The following CLUH variants were observed in gnomAD, a reference collection of about 807,000 sequenced individuals.
CLUH encodes the protein clustered mitochondria protein homolog.
Under a neutral mutation model 139.3 loss-of-function variants are expected in CLUH, and 77 were observed. That is an observed-to-expected ratio of 0.55 (90% CI 0.46 to 0.67). CLUH has a LOEUF of 0.67. Ranked by LOEUF, CLUH falls within the 30% of genes least tolerant of loss-of-function variation. The pLI is 0.00. For missense variants in CLUH, 1,876 were observed against 1,875.8 expected (o/e 1.00, Z 0.00); for synonymous variants, 999 against 801.6 (o/e 1.25, Z -4.16).
At position 2,689,618 on chromosome 17, in the gene CLUH, T is replaced by TCTGA. The variant is rs1476759506; in HGVS notation, c.*972_*975dup. The TCTGA allele has an allele frequency of 6.5e-6, 1 of 153,178 alleles. No individual in the cohort carries two copies. Among genetic ancestry groups the TCTGA allele is most frequent in the African/African-American group, 2.4e-5 (1 of 41,436 alleles). The allele number at this position is 153,178 out of a possible 1,614,324, so 9.5% of individuals were successfully genotyped here. A position where few individuals can be genotyped will look rare whatever the true frequency, so the allele number is the denominator to read the frequency against. On this transcript the variant is annotated 3_prime_UTR_variant, in exon 26 of 26. Coordinates refer to ENST00000651024, the MANE Select transcript of CLUH (RefSeq NM_001366661.1). ...TGGCCACATCCTCCCCCACCAGGGC[T>TCTGA]CTGACAGCAGGCACAGAGCAGCAGC...
At chr17:2,698,812 G>A (rs1428543537) in intron 9 of CLUH, among the ~76,000 whole-genome samples, 1 of 152,194 alleles carries the variant, frequency 6.6e-6, no homozygotes. Flanking sequence ...GAGGGGCCGA[G>A]GCGGTCAGAC....
At position 2,692,669 on chromosome 17, in the gene CLUH, T is replaced by C; in HGVS notation, c.3340A>G (p.Ser1114Gly). 1 of 1,612,330 alleles carries C rather than the reference T, an allele frequency of 6.2e-7. No individual in the cohort carries two copies. Among genetic ancestry groups the C allele is most frequent in the East Asian group, 2.2e-5 (1 of 44,832 alleles). ...YMHLALYCFASSQLSTALSLL... is the reference protein window; with the variant it reads ...YMHLALYCFAGSQLSTALSLL... ...CTCAGGGCGGTGGACAGCTGGCTGC[T>C]GGCGAAGCAGTACAGGGCCAGGTGC... The change falls in exon 21 of 26, where the codon AGC becomes GGC. Residue 1114 changes from serine (S) to glycine (G), a missense_variant. Transcript: ENST00000651024.
Position 2,691,603 on chromosome 17 carries a change from C to A in CLUH, c.3863+6G>T, listed in dbSNP as rs1207786440. The A allele has an allele frequency of 3.1e-6, 5 of 1,611,510 alleles. No homozygotes were observed. Among genetic ancestry groups the A allele is most frequent in the Non-Finnish European group, 4.2e-6 (5 of 1,179,004 alleles). On this transcript the variant is annotated splice_donor_region_variant and intron_variant, in intron 25 of 25. Coordinates refer to ENST00000651024, the MANE Select transcript of CLUH (RefSeq NM_001366661.1). ...GGGAGACACTCGAGTGGGGCGGAGG[C>A]CTCACCTGAGAGGAATGAAGAGGAT...
Position 2,700,399 on chromosome 17 carries a change from C to T in CLUH, c.1249G>A (p.Glu417Lys). Residue 417 changes from glutamate to lysine, a missense_variant, in exon 9 of 26, where the codon GAA (glutamate) becomes AAA (lysine). Glu to Lys is a moderately conservative substitution (Grantham distance 56). Coordinates refer to ENST00000651024, the MANE Select transcript of CLUH (RefSeq NM_001366661.1). ...GCAGGCACCTTGAATATGGCCCTTT[C>T]TCGGAGCAGCCGCTCAGGCAGGTTC... Reference protein sequence around the residue: ...RKNLPERLLRERAIFKVHSDF... With the variant: ...RKNLPERLLRKRAIFKVHSDF... The T allele has an allele frequency of 6.2e-7, 1 of 1,613,080 alleles. No individual in the cohort carries two copies. The highest frequency in any genetic ancestry group is 8.5e-7 in the Non-Finnish European group (1 of 1,179,726).
Position 2,692,026 on chromosome 17 carries a change from C to G in CLUH, c.3632G>C (p.Gly1211Ala). The G allele has an allele frequency of 1.3e-6, 2 of 1,585,104 alleles. No individual in the cohort carries two copies. Among genetic ancestry groups the G allele is most frequent in the Non-Finnish European group, 1.7e-6 (2 of 1,165,436 alleles). Residue 1211 changes from glycine (G) to alanine (A), a missense_variant, in exon 23 of 26, where the codon GGT becomes GCT. By Grantham distance (60) the Gly-to-Ala change is moderately conservative (BLOSUM62 0). Transcript: ENST00000651024. ...FRSALQHEKE[G>A]YTIYKTQLGE... Reference sequence around the variant, plus strand: ...CACCTGCGTCTTGTAGATGGTGTAACCCTCCTTCTCGTGCTGCAGGGCCGA... The same window carrying G: ...CACCTGCGTCTTGTAGATGGTGTAAGCCTCCTTCTCGTGCTGCAGGGCCGA...
In CLUH at chr17:2,695,543, C is replaced by T; in HGVS notation, c.2392-17G>A. 3.8e-6 allele frequency: 6 copies of T among 1,577,298 alleles called. No homozygotes were observed. Among genetic ancestry groups the T allele is most frequent in the Non-Finnish European group, 5.1e-6 (6 of 1,167,842 alleles). ...GTCCTTCACCTGCGGGCTGCAGCAG[C>T]TCAGGCCCCCACCCAGCTCCTCTGC... On this transcript the variant is annotated splice_polypyrimidine_tract_variant and intron_variant, in intron 13 of 25. Coordinates refer to ENST00000651024, the MANE Select transcript of CLUH (RefSeq NM_001366661.1).
At position 2,711,696 on chromosome 17, in the gene CLUH, C is replaced by T. The variant is rs960302842; in HGVS notation, c.-35G>A. On this transcript the variant is annotated 5_prime_UTR_variant, in exon 1 of 26. Coordinates refer to ENST00000651024, the MANE Select transcript of CLUH (RefSeq NM_001366661.1). ...AGCGGGCGTCCGCCTCGGCTGTCCGCGCCGCCCGCCGCGCCACTAACCCAA... is the reference window on the plus strand; with the variant it reads ...AGCGGGCGTCCGCCTCGGCTGTCCGTGCCGCCCGCCGCGCCACTAACCCAA... 6 of 901,868 alleles carry T rather than the reference C, an allele frequency of 6.7e-6. No individual in the cohort carries two copies. The highest frequency in any genetic ancestry group is 8.0e-6 in the Non-Finnish European group (6 of 753,906). The allele number at this position is 901,868 out of a possible 1,614,324, so 55.9% of individuals were successfully genotyped here.
rs2069964621 is a variant in CLUH at position 2,696,809 on chromosome 17, C to T, written c.2095G>A (p.Glu699Lys). The T allele has an allele frequency of 1.9e-6, 3 of 1,613,396 alleles. No homozygotes were observed. Among genetic ancestry groups the T allele is most frequent in the Non-Finnish European group, 2.5e-6 (3 of 1,179,898 alleles). Residue 699 changes from glutamate to lysine, a missense_variant, in exon 11 of 26, where the codon GAG (glutamate) becomes AAG (lysine). Glu to Lys is a moderately conservative substitution (Grantham distance 56, BLOSUM62 1). Around this residue, in one of 3 missense-constraint regions of CLUH, gnomAD observed 1,454 missense variants for 1,384.4 expected, o/e 1.05. Transcript: ENST00000651024. ...CTACCCTCCTCCTCACTTCCCGCCT[C>T]CTGTCCTGGAGGATCCTCAGACTTG... The part of the protein sequence containing the change: ...ESKSEDPPGQ[E>K]AGSEEEGSSA...
In CLUH at chr17:2,698,456, G is replaced by A. The variant is rs979556087; in HGVS notation, c.1401C>T (p.Gly467=). Residue 467 remains glycine, a synonymous_variant, in exon 10 of 26, where the codon GGC becomes GGT. Coordinates refer to ENST00000651024, the MANE Select transcript of CLUH (RefSeq NM_001366661.1). ...CCTTGTAGTGGTCTCGGACGTCGAA[G>A]CCCAGGCTGAAGAAGATGTTGTTCC... is the stretch of plus-strand genomic sequence containing the variant. The part of the protein sequence containing the change: ...FIWNNIFFSL[G]FDVRDHYKDF... 1.2e-6 allele frequency: 2 copies of A among 1,613,362 alleles called. No homozygotes were observed. Among genetic ancestry groups the A allele is most frequent in the Non-Finnish European group, 8.5e-7 (1 of 1,179,848 alleles).
At chr17:2,702,588 G>T (rs886793129) in intron 3 of CLUH, among the ~76,000 whole-genome samples, 7 of 150,604 alleles carry the variant, frequency 4.6e-5, no homozygotes, top group African/African-American at 1.7e-4. Flanking sequence ...GACCTTTTCC[G>T]TCACTGCTCT....
chr17:2,701,548 C>A, intron 5 of CLUH, 28 bp from the exon 6 acceptor site: 1 of 1,613,280 alleles, frequency 6.2e-7, no homozygotes, highest in Non-Finnish European at 8.5e-7. Flanking sequence ...TCTGAGGGGC[C>A]AGGCCTCTGG....
Position 2,703,578 on chromosome 17 carries a change from G to A in CLUH, c.304-89C>T, listed in dbSNP as rs953799674. On this transcript the variant is annotated intron_variant, in intron 2 of 25. Transcript: ENST00000651024. The surrounding 1 kb of genome is among the most constrained non-coding windows in gnomAD (Gnocchi z 4.2). Reference sequence around the variant, plus strand: ...CCGCCCCGGTGAGAGGCCACGTAGCGGACAGCAAGGACAATATCCCCTTGT... The same window carrying A: ...CCGCCCCGGTGAGAGGCCACGTAGCAGACAGCAAGGACAATATCCCCTTGT... 14 of 1,284,854 alleles carry A rather than the reference G, an allele frequency of 1.1e-5. No homozygotes were observed. Among genetic ancestry groups the A allele is most frequent in the Middle Eastern group, 2.4e-4 (1 of 4,220 alleles). 79.6% of individuals were successfully genotyped at this position (1,284,854 alleles called of 1,614,324 possible). A position where few individuals can be genotyped will look rare whatever the true frequency, so the allele number is the denominator to read the frequency against.
At chr17:2,691,982 C>CG (rs1567576122) in intron 23 of CLUH, 22 bp downstream of exon 23, 2 of 760,802 alleles carry the variant, frequency 2.6e-6, no homozygotes, top group Non-Finnish European at 1.6e-6. Context: ...GCCCCCGCCC[C>CG]CGCCACGCCC....
At position 2,692,568 on chromosome 17, in the gene CLUH, C is replaced by A. The variant is rs1488529084; in HGVS notation, c.3438+3G>T. The A allele has an allele frequency of 6.2e-7, 1 of 1,610,674 alleles. No individual in the cohort carries two copies. Among genetic ancestry groups the A allele is most frequent in the Non-Finnish European group, 8.5e-7 (1 of 1,178,980 alleles). On this transcript the variant is annotated splice_donor_region_variant and intron_variant, in intron 21 of 25. Coordinates refer to ENST00000651024, the MANE Select transcript of CLUH (RefSeq NM_001366661.1). ...CCTGCCGCCCCCCCGCCCCAGCACT[C>A]ACGTCCAGCAGCGCCATCTCGGGGT... is the stretch of plus-strand genomic sequence containing the variant.
At position 2,708,685 on chromosome 17, in the gene CLUH, T is replaced by C. The variant is rs553953254; in HGVS notation, c.100+2877A>G. On this transcript the variant is annotated intron_variant, in intron 1 of 25. Transcript: ENST00000651024. The stretch of plus-strand genomic sequence containing the variant: ...CCCATGGCTTTTGAGTCACTCCCAC[T>C]GAGCGCGGGCTACCCACCCGCTCCC... Among the ~76,000 whole-genome samples the C allele has an allele frequency of 3.3e-5, 5 of 150,432 alleles. No individual in the cohort carries two copies. In the South Asian group the frequency reaches 1.0e-3, roughly 31 times the overall value.
Position 2,694,928 on chromosome 17 carries a change from G to T in CLUH, c.2781C>A (p.Val927=). The change falls in exon 16 of 26, where the codon GTC becomes GTA. Residue 927 remains valine (V), a synonymous_variant. Coordinates refer to ENST00000651024, the MANE Select transcript of CLUH (RefSeq NM_001366661.1). ...PGAADNTAWA[V]MTPQELWKNI... ...TCTTCCAGAGCTCCTGGGGGGTCATGACAGCCCAGGCTGTGTTATCTGCAG... is the reference window on the plus strand; with the variant it reads ...TCTTCCAGAGCTCCTGGGGGGTCATTACAGCCCAGGCTGTGTTATCTGCAG... The T allele has an allele frequency of 6.2e-7, 1 of 1,607,682 alleles. No homozygotes were observed. The highest frequency in any genetic ancestry group is 1.1e-5 in the South Asian group (1 of 90,228).
rs2070020987 is a variant in CLUH, at chr17:2,697,882, G to GGTCC, written c.1961+13_1961+14insGGAC. On this transcript the variant is annotated intron_variant, in intron 10 of 25. Coordinates refer to ENST00000651024, the MANE Select transcript of CLUH (RefSeq NM_001366661.1). ...AGCTGGCCCCGGCCCTGGTCCGGCA[G>GGTCC]GGCCGCCCCTCACCTGTGCTCCACG... The GGTCC allele has an allele frequency of 6.8e-7, 1 of 1,467,420 alleles. No individual in the cohort carries two copies. Among genetic ancestry groups the GGTCC allele is most frequent in the Admixed American group, 2.4e-5 (1 of 42,366 alleles). The allele number at this position is 1,467,420 out of a possible 1,614,324, so 90.9% of individuals were successfully genotyped here.
chr17:2,707,414 A>G lies in CLUH; in HGVS notation c.101-2850T>C. On this transcript the variant is annotated intron_variant, in intron 1 of 25. Coordinates refer to ENST00000651024, the MANE Select transcript of CLUH (RefSeq NM_001366661.1). The surrounding 1 kb of genome is among the most constrained non-coding windows in gnomAD (Gnocchi z 7.4). ...GAAGGGCACACTCCCCCTGCCTGGC[A>G]TCCCGCTCAAGGTCGGCCAGAAGGA... 6 of 985,384 alleles carry G rather than the reference A, an allele frequency of 6.1e-6. No individual in the cohort carries two copies. The highest frequency in any genetic ancestry group is 7.2e-6 in the Non-Finnish European group (6 of 829,896). 61.0% of individuals were successfully genotyped at this position (985,384 alleles called of 1,614,324 possible).
Position 2,704,615 on chromosome 17 carries a change from G to A in CLUH, c.101-51C>T. Reference sequence around the variant, plus strand: ...ATCAGGCAGCCTCGCTGGTCGGCGGGGCTGTCCGCCTGACCCCACACGGGG... The same window carrying A: ...ATCAGGCAGCCTCGCTGGTCGGCGGAGCTGTCCGCCTGACCCCACACGGGG... On this transcript the variant is annotated intron_variant, in intron 1 of 25. Coordinates refer to ENST00000651024, the MANE Select transcript of CLUH (RefSeq NM_001366661.1). This position sits in a 1 kb window ranked among gnomAD's most constrained non-coding sequence, Gnocchi z 5.7. 6.7e-7 allele frequency: 1 copy of A among 1,487,376 alleles called. No individual in the cohort carries two copies. The highest frequency in any genetic ancestry group is 9.0e-7 in the Non-Finnish European group (1 of 1,111,490). 92.1% of individuals were successfully genotyped at this position (1,487,376 alleles called of 1,614,324 possible). A position where few individuals can be genotyped will look rare whatever the true frequency, so the allele number is the denominator to read the frequency against.
Sources: gnomAD v4.1 joint callset for allele counts (sites outside exome capture counted in the v4.1 genomes callset) on GRCh38, gnomAD v4.1.1 for gene constraint, gnomAD v4.1.1 regional missense constraint, Gnocchi (gnomAD v3.1) non-coding constraint, MANE v1.5 for transcripts, NCBI Gene and HGNC (gene_info 2026-07-23, HGNC 2026-07-21) for gene names.